Variants in DSCAM observed in about 807,000 individuals in gnomAD.
DSCAM encodes the protein cell adhesion molecule DSCAM.
DSCAM carries 47 observed loss-of-function variants against 217.7 expected under a neutral mutation model. That is an observed-to-expected ratio of 0.22 (90% CI 0.17 to 0.28). The LOEUF (loss-of-function observed/expected upper bound fraction) is 0.28. DSCAM is among the 10% of genes least tolerant of loss of function. The pLI, the probability that DSCAM is intolerant of heterozygous loss-of-function variation, is 1.00. For missense variants in DSCAM, 2,080 were observed against 2,618.3 expected (o/e 0.79, Z 4.49); for synonymous variants, 1,056 against 1,015.3 (o/e 1.04, Z -0.76).
chr21:40,539,776 A>G (rs909439222), intron 3 of DSCAM, among the ~76,000 whole-genome samples: 4 of 152,180 alleles, frequency 2.6e-5, no homozygotes, highest in Non-Finnish European at 5.9e-5. Flanking sequence ...GAAAAGGGAA[A>G]ATATGGACCA....
chr21:40,124,429 T>C (rs1222757046), intron 19 of DSCAM, 101 bp from the exon 20 acceptor site: 1 of 1,476,136 alleles, frequency 6.8e-7, no homozygotes, highest in Non-Finnish European at 9.2e-7. Context: ...TGTTCAGCTC[T>C]TTCAGGATGA....
At chr21:40,600,492 A>C (rs2146260462) in intron 3 of DSCAM, among the ~76,000 whole-genome samples, 1 of 152,260 alleles carries the variant, frequency 6.6e-6, no homozygotes, top group East Asian at 1.9e-4. Flanking sequence ...CTATCACAAC[A>C]TATGAATTTT....
rs2146893758 is a variant in DSCAM at position 40,216,452 on chromosome 21, T to C, written c.2357-27214A>G. Among the ~76,000 whole-genome samples, 4 of 152,208 alleles carry C rather than the reference T, an allele frequency of 2.6e-5. No individual in the cohort carries two copies. The East Asian group carries it at 7.7e-4, about 29-fold the overall frequency. On this transcript the variant is annotated intron_variant, in intron 11 of 32. Transcript: ENST00000400454. ...TTTATGAAATTTATATTAAACTGGT[T>C]GCTTTATAAAAAAAGCTTTTAAAAA...
intron 16 of DSCAM, among the ~76,000 whole-genome samples, chr21:40,156,260 G>A (rs2090475174): frequency 1.4e-5 from 2 of 143,654 alleles, no homozygotes; most frequent in Non-Finnish European, 3.0e-5. Flanking sequence ...CAGGAGGCAG[G>A]TGGAAGCTGT....
chr21:40,478,111 T>A (rs2075952879), intron 3 of DSCAM, among the ~76,000 whole-genome samples: 2 of 152,242 alleles, frequency 1.3e-5, no homozygotes, highest in Admixed American at 1.3e-4. Context: ...ACAGAATATA[T>A]TCTCTTGTGT....
chr21:40,427,042 G>A (rs1168679251), intron 3 of DSCAM, among the ~76,000 whole-genome samples: 1 of 152,214 alleles, frequency 6.6e-6, no homozygotes, highest in African/African-American at 2.4e-5. Context: ...GATACCAGAA[G>A]CTTGAGTGTT....
intron 30 of DSCAM, among the ~76,000 whole-genome samples, chr21:40,046,984 C>A (rs1256985506): frequency 6.6e-6 from 1 of 151,988 alleles, no homozygotes; most frequent in East Asian, 1.9e-4. Flanking sequence ...GATTCAAAGC[C>A]TGGTCTCTTT....
chr21:40,220,861 C>T (rs1456885068), intron 11 of DSCAM, among the ~76,000 whole-genome samples: 3 of 152,214 alleles, frequency 2.0e-5, no homozygotes, highest in Non-Finnish European at 4.4e-5. Flanking sequence ...TCCTTCTGCG[C>T]TCATCACTGT....
Position 40,215,088 on chromosome 21 carries a change from G to A in DSCAM, c.2357-25850C>T, listed in dbSNP as rs1265452928. Among the ~76,000 whole-genome samples, 6 of 89,580 alleles carry A rather than the reference G, an allele frequency of 6.7e-5. 2 individuals carry two copies. In the South Asian group the frequency reaches 2.4e-3, roughly 36 times the overall value. 58.8% of individuals were successfully genotyped at this position (89,580 alleles called of 152,430 possible). ...CAAAAAATTAGCCGGGCGCGGTGGCGGGCGCCTGTAGTCCCAGCTACTCGG... is the reference window on the plus strand; with the variant it reads ...CAAAAAATTAGCCGGGCGCGGTGGCAGGCGCCTGTAGTCCCAGCTACTCGG... On this transcript the variant is annotated intron_variant, in intron 11 of 32. Coordinates refer to ENST00000400454, the MANE Select transcript of DSCAM (RefSeq NM_001389.5).
At chr21:40,801,013 T>C (rs1180048940) in intron 1 of DSCAM, among the ~76,000 whole-genome samples, 1 of 149,690 alleles carries the variant, frequency 6.7e-6, no homozygotes. Context: ...GTGCAGTGGC[T>C]TGATCTTGGC....
intron 3 of DSCAM, among the ~76,000 whole-genome samples, chr21:40,466,945 A>AT (rs980255083): frequency 6.6e-6 from 1 of 152,048 alleles, no homozygotes; most frequent in Non-Finnish European, 1.5e-5. Flanking sequence ...ATGCAATTAC[A>AT]TTTTTTTCTT....
chr21:40,346,506 T>G (rs577037352), intron 6 of DSCAM, among the ~76,000 whole-genome samples: 62 of 152,336 alleles, frequency 4.1e-4, no homozygotes, highest in African/African-American at 1.4e-3. Flanking sequence ...TTTTAATCAA[T>G]TGATATCAGA....
chr21:40,681,515 T>C (rs1488650541), intron 3 of DSCAM, among the ~76,000 whole-genome samples: 3 of 150,294 alleles, frequency 2.0e-5, no homozygotes, highest in Non-Finnish European at 1.5e-5. Context: ...AAGAATCTCA[T>C]TGAGTATATA....
At chr21:40,695,059 T>C (rs762591510) in intron 2 of DSCAM, among the ~76,000 whole-genome samples, 5 of 152,142 alleles carry the variant, frequency 3.3e-5, no homozygotes, top group Non-Finnish European at 5.9e-5. Context: ...TTTGTCTGTG[T>C]GATGCTTGTT....
intron 20 of DSCAM, among the ~76,000 whole-genome samples, chr21:40,115,116 T>C (rs1351799482): frequency 6.6e-6 from 1 of 152,130 alleles, no homozygotes; most frequent in African/African-American, 2.4e-5. Flanking sequence ...CATGCACACG[T>C]ATGTTTACTG....
chr21:40,390,863 T>C (rs1347105160), intron 3 of DSCAM, among the ~76,000 whole-genome samples: 4 of 152,222 alleles, frequency 2.6e-5, no homozygotes, highest in Non-Finnish European at 5.9e-5. Context: ...GGTCACATTC[T>C]GAGCCACTGG....
intron 3 of DSCAM, among the ~76,000 whole-genome samples, chr21:40,559,454 G>C (rs1168252475): frequency 9.5e-6 from 1 of 105,678 alleles, no homozygotes; most frequent in Non-Finnish European, 2.0e-5. Context: ...GCGAGACCCC[G>C]TCTCAAAAAA....
chr21:40,284,676 C>A (rs950584466), intron 10 of DSCAM, among the ~76,000 whole-genome samples: 1 of 152,138 alleles, frequency 6.6e-6, no homozygotes, highest in Non-Finnish European at 1.5e-5. Flanking sequence ...TTAGCAGTGA[C>A]GGGAGAAGCA....
At chr21:40,432,687 G>A (rs151221575) in intron 3 of DSCAM, among the ~76,000 whole-genome samples, 1 of 152,172 alleles carries the variant, frequency 6.6e-6, no homozygotes, top group Admixed American at 6.5e-5. Context: ...GAAGCCAGAA[G>A]ATGAGCTATG....
Sources: allele counts gnomAD v4.1 joint callset (sites outside exome capture counted in the v4.1 genomes callset), GRCh38; gene constraint gnomAD v4.1.1; transcripts MANE v1.5; gene names NCBI Gene and HGNC (gene_info 2026-07-23, HGNC 2026-07-21).